Variants in APBA2 observed in about 807,000 individuals in gnomAD.
APBA2 encodes amyloid beta precursor protein binding family A member 2, also known as amyloid-beta A4 precursor protein-binding family A member 2.
A neutral mutation model predicts 75.0 loss-of-function variants in APBA2; 30 were observed. That is an observed-to-expected ratio of 0.40 (90% CI 0.30 to 0.54). The LOEUF is 0.54. Among genes scored for constraint, APBA2 ranks in the 20% least tolerant of loss-of-function variants. The pLI is 0.49. For synonymous variants in APBA2, 444 were observed against 409.6 expected (o/e 1.08, Z -1.01); for missense variants, 801 against 1,016.1 (o/e 0.79, Z 2.88).
chr15:29,102,017 G>T, intron 10 of APBA2: 1 of 593,116 alleles, frequency 1.7e-6, no homozygotes, highest in Admixed American at 3.0e-5. Flanking sequence ...ATTGAGTTGT[G>T]GTTAAATATA....
intron 2 of APBA2, among the ~76,000 whole-genome samples, chr15:28,969,128 T>TTTCTTTCTTTCTTTCTTTCTTTC (rs1595597095): frequency 8.8e-5 from 12 of 137,026 alleles, no homozygotes; most frequent in South Asian, 5.0e-4. Flanking sequence ...TTTCATTTCT[T>TTTCTTTCTTTCTTTCTTTCTTTC]TTTCTTTCTT....
intron 2 of APBA2, among the ~76,000 whole-genome samples, chr15:28,969,156 CTTTCTTTCTTTCTTTCTTTCTTTCTTTT>C (rs1453562095): frequency 2.6e-5 from 2 of 76,966 alleles, no homozygotes; most frequent in East Asian, 1.8e-3. Context: ...TTCTTTCTTT[CTTTCTTTCTTTCTTTCTTTCTTTCTTTT>C]TTTTATTTTT....
chr15:29,098,241 T>G (rs2043945702), intron 8 of APBA2, among the ~76,000 whole-genome samples: 1 of 152,196 alleles, frequency 6.6e-6, no homozygotes, highest in East Asian at 1.9e-4. Context: ...TTCTCCACAG[T>G]GGCTGCACTG....
intron 2 of APBA2, among the ~76,000 whole-genome samples, chr15:28,973,166 G>T (rs1265581063): frequency 6.6e-6 from 1 of 152,186 alleles, no homozygotes; most frequent in Non-Finnish European, 1.5e-5. Flanking sequence ...TGTTTGGATA[G>T]CAGATTAGGA....
intron 2 of APBA2, among the ~76,000 whole-genome samples, chr15:28,995,328 G>A (rs541252777): frequency 1.3e-5 from 2 of 152,188 alleles, no homozygotes; most frequent in South Asian, 2.1e-4. Flanking sequence ...CACTTTCATC[G>A]CAGTCCTCTC....
At chr15:29,023,340 T>C (rs559493715) in intron 3 of APBA2, among the ~76,000 whole-genome samples, 3 of 152,162 alleles carry the variant, frequency 2.0e-5, no homozygotes, top group East Asian at 3.9e-4. Context: ...CTGATAAATA[T>C]CCTTTATCAA....
intron 1 of APBA2, among the ~76,000 whole-genome samples, chr15:28,894,994 G>A (rs2032381160): frequency 6.6e-6 from 1 of 152,174 alleles, no homozygotes; most frequent in South Asian, 2.1e-4. Flanking sequence ...TGTAGGAGGC[G>A]GCTGCTGCTG....
intron 2 of APBA2, among the ~76,000 whole-genome samples, chr15:28,922,281 G>C (rs1011613852): frequency 6.6e-6 from 1 of 152,156 alleles, no homozygotes; most frequent in African/African-American, 2.4e-5. Flanking sequence ...AGCACCCCAG[G>C]CTGCTTGCCT....
At chr15:29,112,609 T>C (rs768398100) in intron 13 of APBA2, among the ~76,000 whole-genome samples, 8 of 152,136 alleles carry the variant, frequency 5.3e-5, no homozygotes, top group Admixed American at 2.6e-4. Context: ...GGAATCTGCC[T>C]CTCTCCACCC....
chr15:29,033,662 C>A (rs2040595118), intron 3 of APBA2, among the ~76,000 whole-genome samples: 1 of 152,040 alleles, frequency 6.6e-6, no homozygotes, highest in Non-Finnish European at 1.5e-5. Flanking sequence ...CAGAACCAGA[C>A]AAAAGAAGGA....
At chr15:29,052,482 A>C (rs1490248443) in intron 3 of APBA2, among the ~76,000 whole-genome samples, 2 of 147,946 alleles carry the variant, frequency 1.4e-5, no homozygotes, top group Non-Finnish European at 3.0e-5. Context: ...GTAGAACGTT[A>C]AGCAAACTTT....
intron 1 of APBA2, among the ~76,000 whole-genome samples, chr15:28,901,656 C>T (rs563085687): frequency 8.0e-4 from 122 of 152,222 alleles, no homozygotes; most frequent in African/African-American, 2.9e-3. Context: ...GCAGCCCCTT[C>T]TCATCTCCCT....
Position 29,108,396 on chromosome 15 carries a change from T to G in APBA2, c.2037+7T>G. The G allele has an allele frequency of 6.2e-7, 1 of 1,613,800 alleles. No homozygotes were observed. Among genetic ancestry groups the G allele is most frequent in the Non-Finnish European group, 8.5e-7 (1 of 1,179,996 alleles). On this transcript the variant is annotated splice_region_variant and intron_variant, in intron 13 of 14. Transcript: ENST00000683413. ...CAGCGTGCAGAATGGAATTGTGAGTTCCCCCTCCTGCTCTGGGCCACCACC... is the reference window on the plus strand; with the variant it reads ...CAGCGTGCAGAATGGAATTGTGAGTGCCCCCTCCTGCTCTGGGCCACCACC...
intron 1 of APBA2, among the ~76,000 whole-genome samples, chr15:28,912,841 T>A (rs141427723): frequency 0.022 from 3,326 of 152,338 alleles, 92 homozygotes; most frequent in South Asian, 0.066. Flanking sequence ...GTTTGTATAT[T>A]CACTTTGAAA....
At chr15:29,111,133 AAG>A (rs905637031) in intron 13 of APBA2, among the ~76,000 whole-genome samples, 2 of 151,826 alleles carry the variant, frequency 1.3e-5, no homozygotes, top group Admixed American at 1.3e-4. Context: ...GGCAATACGA[AAG>A]AGAGGGTGCC....
intron 1 of APBA2, chr15:28,895,594 G>A (rs528304142): frequency 6.6e-6 from 1 of 152,420 alleles, no homozygotes; most frequent in South Asian, 2.1e-4. Flanking sequence ...AGGCATCAGA[G>A]GTTCCTGTTT....
chr15:28,929,462 T>A (rs976320650), intron 2 of APBA2, among the ~76,000 whole-genome samples: 1 of 152,098 alleles, frequency 6.6e-6, no homozygotes, highest in Non-Finnish European at 1.5e-5. Flanking sequence ...GAGTGACCAC[T>A]CAGATCCAAG....
At chr15:29,060,206 C>T (rs1017674210) in intron 4 of APBA2, among the ~76,000 whole-genome samples, 16 of 152,126 alleles carry the variant, frequency 1.1e-4, no homozygotes, top group African/African-American at 3.6e-4. Flanking sequence ...CCGTGGGTGC[C>T]GGTGGAGGTG....
chr15:29,095,941 C>A (rs776445092), intron 8 of APBA2, among the ~76,000 whole-genome samples: 1 of 152,216 alleles, frequency 6.6e-6, no homozygotes, highest in African/African-American at 2.4e-5. Context: ...GGAGTCCCTA[C>A]GGACTGCAGC....
Sources: gnomAD v4.1 joint callset for allele counts (sites outside exome capture counted in the v4.1 genomes callset) on GRCh38, gnomAD v4.1.1 for gene constraint, MANE v1.5 for transcripts, NCBI Gene and HGNC (gene_info 2026-07-23, HGNC 2026-07-21) for gene names.